TIAM1: variants seen among roughly 807,000 people sequenced by gnomAD.
TIAM1 encodes the protein rho guanine nucleotide exchange factor TIAM1.
In TIAM1, 65 loss-of-function variants were observed where a neutral mutation model predicts 163.5. The ratio of observed to expected loss-of-function variants is 0.40; its 90% CI spans 0.33 to 0.49. The LOEUF is 0.49. Ranked by LOEUF, TIAM1 falls within the 20% of genes least tolerant of loss-of-function variation. The pLI is 0.77. For synonymous variants in TIAM1, 833 were observed against 810.1 expected (o/e 1.03, Z -0.48); for missense variants, 1,789 against 2,044.7 (o/e 0.87, Z 2.41).
At chr21:31,170,855 G>A (rs980788165) in intron 15 of TIAM1, among the ~76,000 whole-genome samples, 3 of 151,776 alleles carry the variant, frequency 2.0e-5, no homozygotes, top group Admixed American at 6.6e-5. Flanking sequence ...GACCAACATG[G>A]TGAAACCCCA....
intron 1 of TIAM1, among the ~76,000 whole-genome samples, chr21:31,495,290 G>A (rs567758982): frequency 6.6e-6 from 1 of 152,266 alleles, no homozygotes; most frequent in South Asian, 2.1e-4. Context: ...CCGGAGGCTG[G>A]GAAGTCCAAG....
At chr21:31,550,418 A>C (rs184901843) in intron 1 of TIAM1, among the ~76,000 whole-genome samples, 28 of 152,340 alleles carry the variant, frequency 1.8e-4, no homozygotes, top group African/African-American at 5.5e-4. Flanking sequence ...ATTTCTCGGT[A>C]ATGTCCAGAC....
At chr21:31,488,022 GA>G (rs1027814743) in intron 1 of TIAM1, among the ~76,000 whole-genome samples, 4 of 152,092 alleles carry the variant, frequency 2.6e-5, no homozygotes, top group African/African-American at 7.2e-5. Flanking sequence ...AAAAATGTAG[GA>G]AGAAATCTAT....
chr21:31,197,981 A>C (rs1244519553), intron 12 of TIAM1, among the ~76,000 whole-genome samples: 1 of 152,222 alleles, frequency 6.6e-6, no homozygotes, highest in African/African-American at 2.4e-5. Context: ...TAGGTCAGTC[A>C]AAGGTTCAAA....
intron 15 of TIAM1, 67 bp downstream of exon 15, chr21:31,182,354 T>C (rs979876082): frequency 4.4e-6 from 6 of 1,362,866 alleles, no homozygotes; most frequent in Admixed American, 3.0e-5. Flanking sequence ...ACAAGCCGCA[T>C]GATAAACTCC....
At chr21:31,346,816 C>G (rs1386912737), upstream of TIAM1, among the ~76,000 whole-genome samples, 1 of 152,040 alleles carries the variant, frequency 6.6e-6, no homozygotes, top group Non-Finnish European at 1.5e-5. Flanking sequence ...TGGGCTTACA[C>G]GGGGAGCACA....
At chr21:31,397,011 C>A (rs944943121) in intron 2 of TIAM1, among the ~76,000 whole-genome samples, 5 of 152,060 alleles carry the variant, frequency 3.3e-5, no homozygotes, top group African/African-American at 1.2e-4. Context: ...TGGAAAGAAA[C>A]CAAAGCAAAG....
At chr21:31,132,130 C>G (rs1420427555) in intron 23 of TIAM1, among the ~76,000 whole-genome samples, 2 of 152,224 alleles carry the variant, frequency 1.3e-5, no homozygotes, top group Non-Finnish European at 2.9e-5. Flanking sequence ...ACAAAAGGAA[C>G]AAACATTCAG....
intron 2 of TIAM1, among the ~76,000 whole-genome samples, chr21:31,373,808 C>T (rs1040672697): frequency 2.6e-5 from 4 of 152,090 alleles, no homozygotes; most frequent in Admixed American, 6.6e-5. Flanking sequence ...TCTAGCCATG[C>T]GTCTACATAA....
chr21:31,177,366 G>A (rs564605577), intron 15 of TIAM1, among the ~76,000 whole-genome samples: 46 of 152,272 alleles, frequency 3.0e-4, no homozygotes, highest in African/African-American at 1.0e-3. Context: ...CTGCACTTTC[G>A]GAGGGTGAGG....
chr21:31,500,908 G>A (rs773687489), intron 1 of TIAM1, among the ~76,000 whole-genome samples: 3 of 152,188 alleles, frequency 2.0e-5, no homozygotes, highest in Non-Finnish European at 2.9e-5. Flanking sequence ...ACGGCAGTCC[G>A]AGGAAACAGC....
intron 2 of TIAM1, among the ~76,000 whole-genome samples, chr21:31,293,061 T>G (rs941824697): frequency 6.6e-6 from 1 of 152,196 alleles, no homozygotes; most frequent in African/African-American, 2.4e-5. Context: ...TGACCTCAAG[T>G]GATTTGCCCT....
chr21:31,198,516 G>T (rs187276921), intron 12 of TIAM1, among the ~76,000 whole-genome samples: 26 of 152,238 alleles, frequency 1.7e-4, no homozygotes, highest in African/African-American at 5.1e-4. Context: ...TTTTCATTCA[G>T]AAAATAGCCA....
intron 10 of TIAM1, among the ~76,000 whole-genome samples, chr21:31,210,596 G>GAAAGAAAGAA (rs1362662880): frequency 1.9e-5 from 1 of 52,752 alleles, no homozygotes; most frequent in Non-Finnish European, 3.6e-5. Flanking sequence ...GAAAGAAAGA[G>GAAAGAAAGAA]AGAAAGAAGG....
chr21:31,292,797 T>C (rs2074079001), intron 2 of TIAM1, among the ~76,000 whole-genome samples: 1 of 151,858 alleles, frequency 6.6e-6, no homozygotes, highest in African/African-American at 2.4e-5. Context: ...GCCCTCCAGG[T>C]AGCTGGGATG....
chr21:31,376,406 G>C (rs1192122663), intron 2 of TIAM1, among the ~76,000 whole-genome samples: 1 of 152,146 alleles, frequency 6.6e-6, no homozygotes, highest in African/African-American at 2.4e-5. Flanking sequence ...GTTTCCGTCT[G>C]CACCCTCTCC....
intron 8 of TIAM1, among the ~76,000 whole-genome samples, chr21:31,223,070 G>A (rs1479155732): frequency 1.3e-5 from 2 of 151,934 alleles, no homozygotes; most frequent in Non-Finnish European, 2.9e-5. Context: ...TTCCCACCAA[G>A]TTTATATAAA....
At chr21:31,441,026 G>A (rs981635168) in intron 2 of TIAM1, among the ~76,000 whole-genome samples, 1 of 152,152 alleles carries the variant, frequency 6.6e-6, no homozygotes, top group African/African-American at 2.4e-5. Context: ...TATCTCAGTG[G>A]GTTCCCAGAG....
At chr21:31,239,647 G>A (rs913921663) in intron 6 of TIAM1, among the ~76,000 whole-genome samples, 3 of 151,788 alleles carry the variant, frequency 2.0e-5, no homozygotes, top group Non-Finnish European at 2.9e-5. Flanking sequence ...AATCAACAGC[G>A]ATGATATACA....
Sources: allele counts gnomAD v4.1 joint callset (sites outside exome capture counted in the v4.1 genomes callset), GRCh38; gene constraint gnomAD v4.1.1; transcripts MANE v1.5; gene names NCBI Gene and HGNC (gene_info 2026-07-23, HGNC 2026-07-21).